LRRC7: variants seen among roughly 807,000 people sequenced by gnomAD.
LRRC7 encodes the protein leucine rich repeat containing 7.
Under a neutral mutation model 175.7 loss-of-function variants are expected in LRRC7, and 23 were observed. The observed-to-expected ratio is 0.13, with a 90% CI of 0.09 to 0.19. The LOEUF is 0.19. Among genes scored for constraint, LRRC7 ranks in the 10% least tolerant of loss-of-function variants. The pLI, the probability that LRRC7 is intolerant of heterozygous loss-of-function variation, is 1.00. For missense variants in LRRC7, 1,354 were observed against 1,904.7 expected (o/e 0.71, Z 5.38); for synonymous variants, 685 against 680.9 (o/e 1.01, Z -0.09).
chr1:69,663,973 G>A (rs1377794601), intron 1 of LRRC7, among the ~76,000 whole-genome samples: 2 of 150,968 alleles, frequency 1.3e-5, no homozygotes, highest in African/African-American at 4.9e-5. Context: ...CACCCGCCTC[G>A]GCCTCCCAAA....
chr1:69,747,728 T>C (rs954239432), intron 2 of LRRC7, among the ~76,000 whole-genome samples: 4 of 152,136 alleles, frequency 2.6e-5, no homozygotes, highest in African/African-American at 9.7e-5. Context: ...AGGATAAGTA[T>C]GTAAATATTC....
At chr1:69,987,202 G>A (rs1363743309) in intron 10 of LRRC7, among the ~76,000 whole-genome samples, 9 of 152,188 alleles carry the variant, frequency 5.9e-5, no homozygotes, top group Non-Finnish European at 8.8e-5. Flanking sequence ...CCGAGATTAT[G>A]CCGCTGCACT....
intron 7 of LRRC7, among the ~76,000 whole-genome samples, 187 bp from the exon 8 acceptor site, chr1:69,931,320 T>C (rs960549453): frequency 2.6e-5 from 4 of 152,228 alleles, no homozygotes; most frequent in African/African-American, 9.6e-5. Context: ...TGTGAACAGA[T>C]GCTGTAGCTT....
rs1666844923 is a variant in LRRC7 at position 70,135,815 on chromosome 1, A to G, written c.*13928A>G. Among the ~76,000 whole-genome samples the G allele has an allele frequency of 6.6e-6, 1 of 152,208 alleles. No individual in the cohort carries two copies. Among genetic ancestry groups the G allele is most frequent in the South Asian group, 2.1e-4 (1 of 4,824 alleles). On this transcript the variant is annotated 3_prime_UTR_variant, in exon 27 of 27. Transcript: ENST00000651989. The stretch of plus-strand genomic sequence containing the variant: ...GATTGTTTTAAACCAGCCATCTTTG[A>G]TAGCCAGTTTTGGGATATAAATCTT...
intron 2 of LRRC7, among the ~76,000 whole-genome samples, chr1:69,705,700 G>A (rs1663946291): frequency 6.6e-6 from 1 of 152,012 alleles, no homozygotes; most frequent in East Asian, 1.9e-4. Flanking sequence ...CTGGTATTTG[G>A]GTTACAGGAG....
intron 1 of LRRC7, among the ~76,000 whole-genome samples, chr1:69,620,271 T>A (rs1650353657): frequency 2.7e-4 from 1 of 3,672 alleles, no homozygotes; most frequent in African/African-American, 2.0e-3. Flanking sequence ...CTATTTACAT[T>A]TTTTTTTTAC....
chr1:69,613,966 A>C (rs1649205954), intron 1 of LRRC7, among the ~76,000 whole-genome samples: 1 of 152,070 alleles, frequency 6.6e-6, no homozygotes, highest in African/African-American at 2.4e-5. Flanking sequence ...ACAATAAGGA[A>C]TAATAAGAAA....
At chr1:70,003,701 T>G (rs947991596) in intron 11 of LRRC7, among the ~76,000 whole-genome samples, 2 of 152,116 alleles carry the variant, frequency 1.3e-5, no homozygotes, top group African/African-American at 2.4e-5. Context: ...TCCACTTCCT[T>G]CCCCAGCATT....
At chr1:69,653,742 GACA>G (rs1311280886) in intron 1 of LRRC7, among the ~76,000 whole-genome samples, 1 of 152,052 alleles carries the variant, frequency 6.6e-6, no homozygotes, top group African/African-American at 2.4e-5. Flanking sequence ...GCCGGGAAGT[GACA>G]ACATCTTGAG....
intron 3 of LRRC7, among the ~76,000 whole-genome samples, chr1:69,763,965 T>C (rs996373045): frequency 2.0e-5 from 3 of 151,988 alleles, no homozygotes; most frequent in Admixed American, 1.3e-4. Flanking sequence ...GTCATGAATC[T>C]CTACTATAAG....
intron 2 of LRRC7, among the ~76,000 whole-genome samples, chr1:69,734,022 T>C (rs1205063161): frequency 6.6e-6 from 1 of 152,042 alleles, no homozygotes; most frequent in Non-Finnish European, 1.5e-5. Context: ...CCTCAAAAGT[T>C]GGAGCTGTGC....
At chr1:69,697,760 T>C (rs1410452079) in intron 2 of LRRC7, among the ~76,000 whole-genome samples, 1 of 152,204 alleles carries the variant, frequency 6.6e-6, no homozygotes, top group Admixed American at 6.5e-5. Context: ...CAGGTGTTAT[T>C]TGAGTCACCA....
At chr1:69,898,662 ACTGCTGCTGCTGCTGCTG>A (rs35234345) in intron 7 of LRRC7, among the ~76,000 whole-genome samples, 2 of 150,762 alleles carry the variant, frequency 1.3e-5, no homozygotes, top group Non-Finnish European at 1.5e-5. Context: ...TGCTATCATC[ACTGCTGCTGCTGCTGCTG>A]CTGCTGCTGC....
intron 25 of LRRC7, among the ~76,000 whole-genome samples, chr1:70,106,113 T>C (rs570151781): frequency 6.6e-6 from 1 of 152,322 alleles, no homozygotes; most frequent in South Asian, 2.1e-4. Flanking sequence ...TATTGTCTTC[T>C]ATTTTATTAA....
intron 24 of LRRC7, among the ~76,000 whole-genome samples, chr1:70,086,505 G>A (rs1373937826): frequency 2.0e-5 from 3 of 152,066 alleles, no homozygotes; most frequent in Non-Finnish European, 2.9e-5. Context: ...TGAGTCTGGC[G>A]TGGTGGCTCA....
At chr1:69,789,554 T>C (rs1221548546) in intron 3 of LRRC7, among the ~76,000 whole-genome samples, 1 of 152,142 alleles carries the variant, frequency 6.6e-6, no homozygotes, top group Non-Finnish European at 1.5e-5. Flanking sequence ...TTCATAATTA[T>C]ATTAAGAAGT....
At chr1:69,992,227 C>T (rs1440132763) in intron 10 of LRRC7, among the ~76,000 whole-genome samples, 1 of 151,986 alleles carries the variant, frequency 6.6e-6, no homozygotes, top group Non-Finnish European at 1.5e-5. Context: ...TATTTCCTTT[C>T]AAAGTTCTAT....
Position 70,039,657 on chromosome 1 carries a change from A to T in LRRC7, c.3833A>T (p.Tyr1278Phe). ...CCATCTGACTATAACTTGGGTAACT[A>T]TGGTGACAAGCCATCAGATAACAGT... Reference protein sequence around the residue: ...KIPSDYNLGNYGDKPSDNSDL... With the variant: ...KIPSDYNLGNFGDKPSDNSDL... The change falls in exon 21 of 27, where the codon TAT becomes TTT. Residue 1278 changes from tyrosine (Y) to phenylalanine (F), a missense_variant. Tyr to Phe is a conservative substitution (Grantham distance 22, BLOSUM62 3). Coordinates refer to ENST00000651989, the MANE Select transcript of LRRC7 (RefSeq NM_001370785.2). The T allele has an allele frequency of 6.2e-7, 1 of 1,614,102 alleles. No individual in the cohort carries two copies. Among genetic ancestry groups the T allele is most frequent in the Non-Finnish European group, 8.5e-7 (1 of 1,179,998 alleles).
chr1:69,811,763 C>T (rs1390037677), intron 4 of LRRC7, among the ~76,000 whole-genome samples: 2 of 151,740 alleles, frequency 1.3e-5, no homozygotes, highest in African/African-American at 2.4e-5. Context: ...CACACAGGGG[C>T]CTGTTGGGGG....
Sources: gnomAD v4.1 joint callset for allele counts (sites outside exome capture counted in the v4.1 genomes callset) on GRCh38, gnomAD v4.1.1 for gene constraint, MANE v1.5 for transcripts, NCBI Gene and HGNC (gene_info 2026-07-23, HGNC 2026-07-21) for gene names.